The following PAK5 variants were observed in gnomAD, a reference collection of about 807,000 sequenced individuals.
PAK5 encodes serine/threonine-protein kinase PAK 5.
A neutral mutation model predicts 65.9 loss-of-function variants in PAK5; 16 were observed. That is an observed-to-expected ratio of 0.24 (90% CI 0.16 to 0.37). The LOEUF (loss-of-function observed/expected upper bound fraction) is 0.37. PAK5 is among the 10% of genes least tolerant of loss of function. The pLI is 1.00. For missense variants in PAK5, 785 were observed against 903.9 expected (o/e 0.87, Z 1.69); for synonymous variants, 371 against 354.9 (o/e 1.05, Z -0.51).
At chr20:9,811,428 C>T (rs1414317357) in intron 1 of PAK5, among the ~76,000 whole-genome samples, 1 of 152,070 alleles carries the variant, frequency 6.6e-6, no homozygotes, top group Non-Finnish European at 1.5e-5. Context: ...TTGGTTTTTA[C>T]TAATAAAGAA....
intron 1 of PAK5, among the ~76,000 whole-genome samples, chr20:9,746,551 G>A (rs757960030): frequency 1.4e-4 from 21 of 152,198 alleles, no homozygotes; most frequent in South Asian, 1.2e-3. Context: ...ATCTAAAGCC[G>A]TGCCATCCAA....
intron 3 of PAK5, among the ~76,000 whole-genome samples, chr20:9,591,282 G>A (rs762863747): frequency 6.6e-6 from 1 of 152,068 alleles, no homozygotes; most frequent in Non-Finnish European, 1.5e-5. Flanking sequence ...TGTTACAAAT[G>A]CTGCCTCTCT....
chr20:9,744,758 C>A (rs2048487549), intron 1 of PAK5, among the ~76,000 whole-genome samples: 1 of 152,158 alleles, frequency 6.6e-6, no homozygotes, highest in African/African-American at 2.4e-5. Context: ...CTCCTCTTGC[C>A]TTTGGGGTAA....
chr20:9,563,258 G>T (rs1603210271), intron 5 of PAK5, among the ~76,000 whole-genome samples: 1 of 152,198 alleles, frequency 6.6e-6, no homozygotes, highest in African/African-American at 2.4e-5. Flanking sequence ...GAGAGACACA[G>T]AGAGAAAATG....
intron 1 of PAK5, among the ~76,000 whole-genome samples, chr20:9,747,866 T>C (rs1369299308): frequency 4.7e-5 from 7 of 148,936 alleles, no homozygotes; most frequent in Non-Finnish European, 9.0e-5. Context: ...AAATAAAGGG[T>C]ATTCAATTAG....
At chr20:9,672,933 G>C (rs2047520303) in intron 2 of PAK5, among the ~76,000 whole-genome samples, 1 of 152,118 alleles carries the variant, frequency 6.6e-6, no homozygotes, top group Non-Finnish European at 1.5e-5. Flanking sequence ...GCATTAGATG[G>C]GAAATGTCTA....
chr20:9,701,443 C>A (rs1414904965), intron 2 of PAK5, among the ~76,000 whole-genome samples: 1 of 152,104 alleles, frequency 6.6e-6, no homozygotes, highest in Non-Finnish European at 1.5e-5. Context: ...CAGGCCCAGT[C>A]TTCTGATCAA....
intron 9 of PAK5, among the ~76,000 whole-genome samples, chr20:9,541,756 C>T (rs1417195230): frequency 7.9e-5 from 12 of 152,182 alleles, no homozygotes; most frequent in African/African-American, 2.7e-4. Flanking sequence ...GTAATCCTCA[C>T]ATGTCAAGGG....
intron 2 of PAK5, among the ~76,000 whole-genome samples, chr20:9,650,557 CTTTTCCCTCCAG>C (rs2047190064): frequency 6.6e-6 from 1 of 152,182 alleles, no homozygotes; most frequent in African/African-American, 2.4e-5. Flanking sequence ...TTGCCATTCC[CTTTTCCCTCCAG>C]TTTTCCCTCC....
At chr20:9,604,858 T>C (rs2046423258) in intron 3 of PAK5, among the ~76,000 whole-genome samples, 1 of 152,204 alleles carries the variant, frequency 6.6e-6, no homozygotes, top group Non-Finnish European at 1.5e-5. Flanking sequence ...CCCAGGCTTG[T>C]ACAACTCCTC....
intron 1 of PAK5, among the ~76,000 whole-genome samples, chr20:9,788,588 A>G (rs369675228): frequency 1.4e-5 from 1 of 72,792 alleles, no homozygotes; most frequent in African/African-American, 4.9e-5. Context: ...ACACCTGGTT[A>G]TCACCTTGCA....
chr20:9,556,993 G>C (rs1261719314), intron 7 of PAK5, among the ~76,000 whole-genome samples: 2 of 152,122 alleles, frequency 1.3e-5, no homozygotes, highest in Non-Finnish European at 2.9e-5. Flanking sequence ...CCAAAGATCA[G>C]AGCACCCTCC....
chr20:9,763,216 C>T (rs2048720019), intron 1 of PAK5, among the ~76,000 whole-genome samples: 1 of 151,998 alleles, frequency 6.6e-6, no homozygotes, highest in Non-Finnish European at 1.5e-5. Context: ...CTATAGTTAA[C>T]AATACTATAT....
At chr20:9,701,075 C>G (rs190122285) in intron 2 of PAK5, among the ~76,000 whole-genome samples, 7 of 152,116 alleles carry the variant, frequency 4.6e-5, no homozygotes, top group Admixed American at 2.0e-4. Flanking sequence ...AAAGTTCTCA[C>G]CCCCTGCCTA....
chr20:9,726,413 C>T (rs1363948684), intron 1 of PAK5, among the ~76,000 whole-genome samples: 1 of 152,138 alleles, frequency 6.6e-6, no homozygotes, highest in Non-Finnish European at 1.5e-5. Flanking sequence ...GTAATAGCCT[C>T]AGCAGCTCTG....
In PAK5 at chr20:9,562,945, A is replaced by C; in HGVS notation, c.1562T>G (p.Val521Gly). 6.2e-7 allele frequency: 1 copy of C among 1,613,622 alleles called. No individual in the cohort carries two copies. The highest frequency in any genetic ancestry group is 8.5e-7 in the Non-Finnish European group (1 of 1,179,576). ...SSYLVGDELW[V>G]VMEFLEGGAL... ...ACCACCTTCTAGAAACTCCATGACC[A>C]CCCAGAGCTCATCGCCGACAAGGTA... The change falls in exon 6 of 10, where the codon GTG (valine) becomes GGG (glycine). Residue 521 changes from valine (V) to glycine (G), a missense_variant. By Grantham distance (109) the Val-to-Gly change is moderately radical. This residue lies in a region of PAK5 where 182 missense variants were observed against 273.0 expected (regional missense o/e 0.67). Coordinates refer to ENST00000353224, the MANE Select transcript of PAK5 (RefSeq NM_177990.4).
intron 1 of PAK5, among the ~76,000 whole-genome samples, chr20:9,753,968 C>T (rs1035743466): frequency 6.6e-6 from 1 of 152,132 alleles, no homozygotes; most frequent in Admixed American, 6.6e-5. Context: ...AGAGCATTCC[C>T]TCAATAAGTC....
At chr20:9,539,956 G>A (rs932498276) in intron 9 of PAK5, among the ~76,000 whole-genome samples, 1 of 152,162 alleles carries the variant, frequency 6.6e-6, no homozygotes, top group African/African-American at 2.4e-5. Context: ...ATGAAGCATA[G>A]TATAAACAGG....
At chr20:9,700,144 G>T (rs150480374) in intron 2 of PAK5, among the ~76,000 whole-genome samples, 2,202 of 152,264 alleles carry the variant, frequency 0.014, 41 homozygotes, top group Admixed American at 0.032. Context: ...AGGCACAGCG[G>T]CTCACACCTG....
Sources: gnomAD v4.1 joint callset for allele counts (sites outside exome capture counted in the v4.1 genomes callset) on GRCh38, gnomAD v4.1.1 for gene constraint, gnomAD v4.1.1 regional missense constraint, MANE v1.5 for transcripts, NCBI Gene and HGNC (gene_info 2026-07-23, HGNC 2026-07-21) for gene names.